XKR6: variants seen among roughly 807,000 people sequenced by gnomAD.
The protein encoded by XKR6 is XK related 6.
In XKR6, 22 loss-of-function variants were observed where a neutral mutation model predicts 56.7. That is an observed-to-expected ratio of 0.39 (90% CI 0.28 to 0.55). XKR6 has a LOEUF of 0.55. Ranked by LOEUF, XKR6 falls within the 20% of genes least tolerant of loss-of-function variation. XKR6 has a pLI of 0.66. For missense variants in XKR6, 852 were observed against 889.0 expected (o/e 0.96, Z 0.53); for synonymous variants, 524 against 387.8 (o/e 1.35, Z -4.13).
chr8:11,054,465 T>A (rs1365205706), intron 1 of XKR6, among the ~76,000 whole-genome samples: 2 of 152,246 alleles, frequency 1.3e-5, no homozygotes, highest in Non-Finnish European at 2.9e-5. Flanking sequence ...GGGTGCCATT[T>A]ACGTTGTAGA....
At chr8:10,965,669 G>A (rs1802199684) in intron 1 of XKR6, among the ~76,000 whole-genome samples, 1 of 152,226 alleles carries the variant, frequency 6.6e-6, no homozygotes, top group Non-Finnish European at 1.5e-5. Context: ...GCCCGGAAGC[G>A]CCATCTCTCT....
At chr8:11,127,308 A>G (rs1010168254) in intron 1 of XKR6, among the ~76,000 whole-genome samples, 47 of 152,344 alleles carry the variant, frequency 3.1e-4, no homozygotes, top group Middle Eastern at 3.4e-3. Flanking sequence ...TGTGATCTTC[A>G]ACGAGTTACT....
intron 1 of XKR6, among the ~76,000 whole-genome samples, chr8:11,060,952 C>T (rs1586491719): frequency 2.0e-5 from 3 of 152,162 alleles, no homozygotes; most frequent in Admixed American, 2.0e-4. Flanking sequence ...GATAATGGCT[C>T]AACAAGGAGA....
chr8:11,109,128 G>A (rs951593474), intron 1 of XKR6: 3 of 152,310 alleles, frequency 2.0e-5, no homozygotes, highest in South Asian at 2.1e-4. Context: ...CGCTTTTCTA[G>A]TACAACTGAG....
rs183012780 is a variant in XKR6 at position 10,911,606 on chromosome 8, C to T, written c.962-12690G>A. On this transcript the variant is annotated intron_variant, in intron 2 of 2. Transcript: ENST00000416569. Reference sequence around the variant, plus strand: ...GAGAGGAAGAGAGAGGGTGAGATTGCACATATATATGTAGACAGAGAGGGG... The same window carrying T: ...GAGAGGAAGAGAGAGGGTGAGATTGTACATATATATGTAGACAGAGAGGGG... Among the ~76,000 whole-genome samples the T allele has an allele frequency of 1.6e-4, 22 of 133,952 alleles. No individual in the cohort carries two copies. The East Asian group carries it at 4.6e-3, about 28-fold the overall frequency. 87.9% of individuals were successfully genotyped at this position (133,952 alleles called of 152,430 possible). A position where few individuals can be genotyped will look rare whatever the true frequency, so the allele number is the denominator to read the frequency against.
At chr8:11,115,446 G>T (rs764124732) in intron 1 of XKR6, among the ~76,000 whole-genome samples, 2 of 152,084 alleles carry the variant, frequency 1.3e-5, no homozygotes, top group African/African-American at 2.4e-5. Flanking sequence ...TAAAGAATTG[G>T]CCCTAGCTAT....
chr8:10,902,980 C>G (rs1236896932), intron 2 of XKR6, among the ~76,000 whole-genome samples: 1 of 152,182 alleles, frequency 6.6e-6, no homozygotes, highest in East Asian at 1.9e-4. Flanking sequence ...AGCTAGTGGG[C>G]TGAGTCAATC....
chr8:11,081,754 G>A (rs1797729475), intron 1 of XKR6, among the ~76,000 whole-genome samples: 1 of 152,216 alleles, frequency 6.6e-6, no homozygotes, highest in South Asian at 2.1e-4. Flanking sequence ...AGAGAGAGAA[G>A]CTTTAATGGG....
chr8:10,911,796 C>A (rs1800378705), intron 2 of XKR6, among the ~76,000 whole-genome samples: 1 of 146,276 alleles, frequency 6.8e-6, no homozygotes, highest in African/African-American at 2.5e-5. Flanking sequence ...TATATAGAGA[C>A]AATGTATGTA....
intron 1 of XKR6, among the ~76,000 whole-genome samples, chr8:11,010,351 C>A (rs572792776): frequency 3.3e-5 from 5 of 152,268 alleles, no homozygotes; most frequent in African/African-American, 1.2e-4. Context: ...AAATCCAAAC[C>A]ATACCAATAA....
chr8:11,005,635 G>A (rs560273224), intron 1 of XKR6, among the ~76,000 whole-genome samples: 3 of 152,084 alleles, frequency 2.0e-5, no homozygotes, highest in Admixed American at 6.5e-5. Context: ...AATATGGTAC[G>A]ATGTGTTCGT....
At chr8:10,977,627 C>T (rs766196749) in intron 1 of XKR6, among the ~76,000 whole-genome samples, 5 of 148,534 alleles carry the variant, frequency 3.4e-5, no homozygotes, top group South Asian at 2.4e-4. Flanking sequence ...TTGCTGTGAC[C>T]GCTCTCAGAG....
chr8:10,986,345 C>T (rs28673865), intron 1 of XKR6, among the ~76,000 whole-genome samples: 40,193 of 152,080 alleles, frequency 0.26, 5,929 homozygotes, highest in Middle Eastern at 0.34. Flanking sequence ...AGAAGAATAT[C>T]TTTATAATCT....
chr8:10,912,344 GGA>G lies in XKR6; in HGVS notation c.961+12288_961+12289del, dbSNP rs1206752634. ...TATATATATATATATATATATATAT[GGA>G]GAGAGAGAGAGAGAGGGTGATTATA... On this transcript the variant is annotated intron_variant, in intron 2 of 2. Coordinates refer to ENST00000416569, the MANE Select transcript of XKR6 (RefSeq NM_173683.4). Among the ~76,000 whole-genome samples the G allele has an allele frequency of 2.3e-3, 108 of 46,116 alleles. 1 individual carries two copies. The highest frequency in any genetic ancestry group is 0.053 in the Middle Eastern group (2 of 38). The allele number at this position is 46,116 out of a possible 152,430, so 30.3% of individuals were successfully genotyped here. A position where few individuals can be genotyped will look rare whatever the true frequency, so the allele number is the denominator to read the frequency against.
chr8:10,961,240 T>A (rs1586359767), intron 1 of XKR6, among the ~76,000 whole-genome samples: 1 of 152,110 alleles, frequency 6.6e-6, no homozygotes, highest in African/African-American at 2.4e-5. Flanking sequence ...ATTTACCAAT[T>A]AAGAAGATCC....
In XKR6 at chr8:11,114,273, G is replaced by A. The variant is rs76618571; in HGVS notation, c.764+86303C>T. ...TGGTGCCCGTCTTATCCTGTTAGCC[G>A]CTGGGTATCGTAACAACTGAAATCC... On this transcript the variant is annotated intron_variant, in intron 1 of 2. Transcript: ENST00000416569. Among the ~76,000 whole-genome samples, 453 of 152,226 alleles carry A rather than the reference G, an allele frequency of 3.0e-3. 1 individual carries two copies. The highest frequency in any genetic ancestry group is 0.01 in the African/African-American group (431 of 41,522).
chr8:11,072,131 A>G (rs534300507), intron 1 of XKR6, among the ~76,000 whole-genome samples: 3 of 152,382 alleles, frequency 2.0e-5, no homozygotes, highest in African/African-American at 7.2e-5. Flanking sequence ...GTCAACCCAC[A>G]TCAGTGATGA....
At chr8:10,926,419 T>C (rs949853118) in intron 1 of XKR6, among the ~76,000 whole-genome samples, 1 of 152,276 alleles carries the variant, frequency 6.6e-6, no homozygotes, top group East Asian at 1.9e-4. Flanking sequence ...TCTAGATTCC[T>C]AAGGCCCTTT....
intron 1 of XKR6, among the ~76,000 whole-genome samples, chr8:11,127,149 G>A (rs1799847949): frequency 6.6e-6 from 1 of 152,068 alleles, no homozygotes; most frequent in African/African-American, 2.4e-5. Context: ...CTCCCTTCCG[G>A]CAATCCCACT....
Sources: allele counts gnomAD v4.1 joint callset (sites outside exome capture counted in the v4.1 genomes callset), GRCh38; gene constraint gnomAD v4.1.1; transcripts MANE v1.5; gene names NCBI Gene and HGNC (gene_info 2026-07-23, HGNC 2026-07-21).